POU2F2: variants seen among roughly 807,000 people sequenced by gnomAD.
The protein encoded by POU2F2 is POU class 2 homeobox 2, also known as POU domain, class 2, transcription factor 2.
Under a neutral mutation model 63.5 loss-of-function variants are expected in POU2F2, and 14 were observed. The observed-to-expected ratio is 0.22, with a 90% CI of 0.15 to 0.34. The LOEUF is 0.34. POU2F2 is among the 10% of genes least tolerant of loss of function. The probability of loss-of-function intolerance (pLI) is 1.00; values close to 1 mark genes in which losing one functional copy is unlikely to be tolerated. For synonymous variants in POU2F2, 306 were observed against 348.6 expected (o/e 0.88, Z 1.36); for missense variants, 607 against 815.2 (o/e 0.74, Z 3.11).
chr19:42,164,996 T>C (rs190324627), intron 1 of POU2F2, among the ~76,000 whole-genome samples: 23 of 152,276 alleles, frequency 1.5e-4, no homozygotes, highest in African/African-American at 5.3e-4. Flanking sequence ...AATGTCCTTT[T>C]TGTTGTTCGT....
chr19:42,186,129 G>A (rs2146820489), intron 1 of POU2F2, among the ~76,000 whole-genome samples: 1 of 152,048 alleles, frequency 6.6e-6, no homozygotes, highest in South Asian at 2.1e-4. Flanking sequence ...GACCATCCTG[G>A]CTAACACAGT....
chr19:42,166,351 A>G (rs1192635436), intron 1 of POU2F2, among the ~76,000 whole-genome samples: 1 of 152,080 alleles, frequency 6.6e-6, no homozygotes, highest in East Asian at 1.9e-4. Flanking sequence ...TAAAATGAAC[A>G]ACAAAAAAAA....
At position 42,095,637 on chromosome 19, in the gene POU2F2, G is replaced by C; in HGVS notation, c.928C>G (p.Leu310Val). The change falls in exon 10 of 15, where the codon CTG becomes GTG. Residue 310 changes from leucine (L) to valine (V), a missense_variant. By Grantham distance (32) the Leu-to-Val change is conservative. Transcript: ENST00000692977. This position sits in a 1 kb window ranked among gnomAD's most constrained non-coding sequence, Gnocchi z 7.1. ...PSPNQLSSPS[L>V]GFDGLPGRRR... Reference sequence around the variant, plus strand: ...CGGCCGGGCAGGCCGTCGAAACCCAGGCTGGGGCTGCTCAGCTGGTTGGGG... The same window carrying C: ...CGGCCGGGCAGGCCGTCGAAACCCACGCTGGGGCTGCTCAGCTGGTTGGGG... 1 of 1,613,204 alleles carries C rather than the reference G, an allele frequency of 6.2e-7. No homozygotes were observed. The highest frequency in any genetic ancestry group is 8.5e-7 in the Non-Finnish European group (1 of 1,179,854).
At chr19:42,148,785 C>A (rs2034283760) in intron 2 of POU2F2, among the ~76,000 whole-genome samples, 2 of 151,106 alleles carry the variant, frequency 1.3e-5, no homozygotes, top group Admixed American at 1.3e-4. Context: ...TCACTTGCTC[C>A]ACAAATGTCC....
intron 4 of POU2F2, 129 bp downstream of exon 4, chr19:42,121,997 G>A: frequency 1.0e-6 from 1 of 969,998 alleles, no homozygotes; most frequent in South Asian, 1.4e-5. Flanking sequence ...GAGTGAGAAG[G>A]GGCGGGAGGA....
chr19:42,122,348 T>A lies in POU2F2; in HGVS notation c.125A>T (p.His42Leu). The change falls in exon 3 of 15, where the codon CAT becomes CTT. Residue 42 changes from histidine (H) to leucine (L), a missense_variant. This residue lies in a region of POU2F2 where 224 missense variants were observed against 264.3 expected (regional missense o/e 0.85). Coordinates refer to ENST00000692977, the MANE Select transcript of POU2F2 (RefSeq NM_001394376.1). ...GCTTATCCACTCCCTCCTAACCTGA[T>A]GATTAGTGTCTGGTCCATTTCTTTC... ...DTERNGPDTNHQNPQNKTSPF... is the reference protein window; with the variant it reads ...DTERNGPDTNLQNPQNKTSPF... 6.9e-7 allele frequency: 1 copy of A among 1,450,444 alleles called. No homozygotes were observed. Among genetic ancestry groups the A allele is most frequent in the Non-Finnish European group, 9.3e-7 (1 of 1,074,694 alleles). 89.8% of individuals were successfully genotyped at this position (1,450,444 alleles called of 1,614,324 possible).
At chr19:42,174,478 A>G (rs1350028942) in intron 1 of POU2F2, among the ~76,000 whole-genome samples, 1 of 144,738 alleles carries the variant, frequency 6.9e-6, no homozygotes, top group African/African-American at 2.4e-5. Context: ...CGAGTGATAC[A>G]TAAACATCAG....
upstream of POU2F2, among the ~76,000 whole-genome samples, chr19:42,197,934 G>C (rs1390559879): frequency 6.6e-6 from 1 of 152,144 alleles, no homozygotes; most frequent in Non-Finnish European, 1.5e-5. Context: ...CCAGCGCTTT[G>C]GGAGGCTGAG....
At chr19:42,141,897 A>T (rs1356717586) in intron 2 of POU2F2, among the ~76,000 whole-genome samples, 1 of 152,220 alleles carries the variant, frequency 6.6e-6, no homozygotes. Flanking sequence ...GATGCCACCG[A>T]TAGGACAGTG....
In POU2F2 at chr19:42,122,127, T is replaced by A. The variant is rs1170574406; in HGVS notation, c.185A>T (p.Lys62Met). The change falls in exon 4 of 15, where the codon AAG becomes ATG. Residue 62 changes from lysine (K) to methionine (M), a missense_variant and splice_region_variant. Lys to Met is a moderately conservative substitution (Grantham distance 95, BLOSUM62 -1). This residue lies in a region of POU2F2 where 224 missense variants were observed against 264.3 expected (regional missense o/e 0.85). Coordinates refer to ENST00000692977, the MANE Select transcript of POU2F2 (RefSeq NM_001394376.1). ...CTGGCTGTTCTGACAGGTGCTTACC[T>A]TTGTACTGGGGCCAGTTGGGGACAC... Reference protein sequence around the residue: ...FSVSPTGPSTKVGILSGLHLT... With the variant: ...FSVSPTGPSTMVGILSGLHLT... 1.2e-6 allele frequency: 2 copies of A among 1,612,750 alleles called. No individual in the cohort carries two copies. Among genetic ancestry groups the A allele is most frequent in the Non-Finnish European group, 1.7e-6 (2 of 1,178,916 alleles).
intron 2 of POU2F2, among the ~76,000 whole-genome samples, chr19:42,151,055 C>T (rs969875823): frequency 6.6e-6 from 1 of 152,244 alleles, no homozygotes; most frequent in Non-Finnish European, 1.5e-5. Flanking sequence ...CCTCCCCTCC[C>T]CCCTACCTGG....
In POU2F2 at chr19:42,164,291, C is replaced by CAA. The variant is rs542411101; in HGVS notation, c.-69-3901_-69-3900dup. Among the ~76,000 whole-genome samples, 254 of 88,152 alleles carry CAA rather than the reference C, an allele frequency of 2.9e-3. 2 individuals carry two copies. The highest frequency in any genetic ancestry group is 0.026 in the South Asian group (79 of 2,992). The allele number at this position is 88,152 out of a possible 152,430, so 57.8% of individuals were successfully genotyped here. On this transcript the variant is annotated intron_variant, in intron 1 of 6. Coordinates refer to the POU2F2 transcript ENST00000524801. ...TGGACGACACACTGACATTCTGTCT[C>CAA]AAAAAAAAAAAAAAAAAGGCCAGGC...
intron 2 of POU2F2, chr19:42,157,448 G>C (rs572045534): frequency 1.3e-5 from 2 of 152,382 alleles, no homozygotes; most frequent in South Asian, 4.1e-4. Flanking sequence ...TGCATCTCCA[G>C]ATGGTGGCAC....
In POU2F2 at chr19:42,095,155, G is replaced by T; in HGVS notation, c.1197+131C>A. ...CCTGTGTAACTGTGCCCATCTACGTGATGGCCTGTCTCCAAGAGTGACTCT... is the reference window on the plus strand; with the variant it reads ...CCTGTGTAACTGTGCCCATCTACGTTATGGCCTGTCTCCAAGAGTGACTCT... On this transcript the variant is annotated intron_variant, in intron 11 of 14. Coordinates refer to ENST00000692977, the MANE Select transcript of POU2F2 (RefSeq NM_001394376.1). The surrounding 1 kb of genome is among the most constrained non-coding windows in gnomAD (Gnocchi z 7.1). 1 of 1,194,536 alleles carries T rather than the reference G, an allele frequency of 8.4e-7. No homozygotes were observed. The highest frequency in any genetic ancestry group is 1.6e-5 in the South Asian group (1 of 62,782). The allele number at this position is 1,194,536 out of a possible 1,614,324, so 74.0% of individuals were successfully genotyped here.
In POU2F2 at chr19:42,169,744, ACGTGTGTGTGTG is replaced by A. The variant is rs1176577974; in HGVS notation, c.-70+6207_-70+6218del. On this transcript the variant is annotated intron_variant, in intron 1 of 6. Coordinates refer to the POU2F2 transcript ENST00000524801. The surrounding 1 kb of genome is among the most constrained non-coding windows in gnomAD (Gnocchi z 4.3). ...TAGTTTGGCGAATGAGTGCGCGCAC[ACGTGTGTGTGTG>A]CGTGTGTGTGTGTGTCGGGGTGATA... 1.3e-5 allele frequency among the ~76,000 whole-genome samples: 2 copies of A among 152,034 alleles called. No individual in the cohort carries two copies. Among genetic ancestry groups the A allele is most frequent in the East Asian group, 1.9e-4 (1 of 5,176 alleles).
chr19:42,103,500 A>G (rs2077218636), intron 5 of POU2F2, among the ~76,000 whole-genome samples: 2 of 152,210 alleles, frequency 1.3e-5, no homozygotes, highest in Admixed American at 1.3e-4. Context: ...CCTTCTGGGA[A>G]ATTGTGGGGG....
intron 1 of POU2F2, among the ~76,000 whole-genome samples, chr19:42,171,779 T>C (rs189341620): frequency 1.5e-3 from 222 of 152,236 alleles, no homozygotes; most frequent in Non-Finnish European, 2.0e-3. Context: ...CTATACTTTA[T>C]AGGATCCTGA....
intron 1 of POU2F2, among the ~76,000 whole-genome samples, chr19:42,160,701 T>A (rs2034536094): frequency 6.6e-6 from 1 of 152,216 alleles, no homozygotes; most frequent in African/African-American, 2.4e-5. Context: ...AACTGTGTCT[T>A]GAAGCTTTTG....
rs563700180 is a variant in POU2F2 at position 42,095,152 on chromosome 19, C to G, written c.1197+134G>C. On this transcript the variant is annotated intron_variant, in intron 11 of 14. Coordinates refer to ENST00000692977, the MANE Select transcript of POU2F2 (RefSeq NM_001394376.1). This position sits in a 1 kb window ranked among gnomAD's most constrained non-coding sequence, Gnocchi z 7.1. ...GTCCCTGTGTAACTGTGCCCATCTA[C>G]GTGATGGCCTGTCTCCAAGAGTGAC... 1 of 1,164,154 alleles carries G rather than the reference C, an allele frequency of 8.6e-7. No homozygotes were observed. The highest frequency in any genetic ancestry group is 1.2e-6 in the Non-Finnish European group (1 of 850,482). 72.1% of individuals were successfully genotyped at this position (1,164,154 alleles called of 1,614,324 possible).
Sources: allele counts gnomAD v4.1 joint callset (sites outside exome capture counted in the v4.1 genomes callset), GRCh38; gene constraint gnomAD v4.1.1; regional missense constraint gnomAD v4.1.1; non-coding constraint Gnocchi (gnomAD v3.1); transcripts MANE v1.5; gene names NCBI Gene and HGNC (gene_info 2026-07-23, HGNC 2026-07-21).